Variants in CEP104 observed in about 807,000 individuals in gnomAD.
The protein encoded by CEP104 is centrosomal protein 104.
In CEP104, 84 loss-of-function variants were observed where a neutral mutation model predicts 113.3. The ratio of observed to expected loss-of-function variants is 0.74; its 90% CI spans 0.62 to 0.89. The LOEUF (loss-of-function observed/expected upper bound fraction) is 0.89, where lower values mean the gene tolerates loss of function less well. Among genes scored for constraint, CEP104 ranks in the 40% least tolerant of loss-of-function variants. The probability of loss-of-function intolerance (pLI) is 0.00; values close to 1 mark genes in which losing one functional copy is unlikely to be tolerated. For synonymous variants in CEP104, 378 were observed against 421.7 expected, an observed-to-expected ratio of 0.90 and a Z score of 1.27; for missense variants, 1,053 against 1,156.6, an observed-to-expected ratio of 0.91 and a Z score of 1.30.
chr1:3,849,984 A>T (rs1644580572), intron 2 of CEP104, among the ~76,000 whole-genome samples: 1 of 152,262 alleles, frequency 6.6e-6, no homozygotes, highest in Non-Finnish European at 1.5e-5. Flanking sequence ...AGATATACAG[A>T]TACCTACTTG....
intron 1 of CEP104, chr1:3,856,079 G>C (rs1644720889): frequency 2.6e-6 from 1 of 384,890 alleles, no homozygotes; most frequent in African/African-American, 2.2e-5. Flanking sequence ...ACAAGACTAG[G>C]AAACAAAACT....
chr1:3,823,280 G>T lies in CEP104; in HGVS notation c.2504-39C>A. On this transcript the variant is annotated intron_variant, in intron 19 of 21. Transcript: ENST00000378230. This position sits in a 1 kb window ranked among gnomAD's most constrained non-coding sequence, Gnocchi z 4.1. ...AAAAAGACTCAGTCGCTCCCTGAAT[G>T]ACAGGCGACAAGACATGCTGCTGGC... The T allele has an allele frequency of 6.2e-7, 1 of 1,612,522 alleles. No individual in the cohort carries two copies. The highest frequency in any genetic ancestry group is 1.1e-5 in the South Asian group (1 of 91,020).
chr1:3,850,600 C>T (rs1458556872), intron 2 of CEP104, among the ~76,000 whole-genome samples: 1 of 152,134 alleles, frequency 6.6e-6, no homozygotes, highest in Non-Finnish European at 1.5e-5. Flanking sequence ...TAGAGGGTCC[C>T]ACATTTTCTA....
At position 3,826,422 on chromosome 1, in the gene CEP104, T is replaced by C. The variant is rs1281722073; in HGVS notation, c.2203A>G (p.Lys735Glu). The C allele has an allele frequency of 2.5e-6, 4 of 1,613,742 alleles. No homozygotes were observed. The Admixed American group carries it at 6.7e-5, about 27-fold the overall frequency. ...CCCAGAGCTTCAGCAGGGGCTGCTT[T>C]CCCTCCTTGAATGTCTGAAGAGATT... ...KPKNQDIQGG[K>E]AAPAEALGIP... Residue 735 changes from lysine (K) to glutamate (E), a missense_variant, in exon 17 of 22, where the codon AAA becomes GAA. Coordinates refer to ENST00000378230, the MANE Select transcript of CEP104 (RefSeq NM_014704.4).
intron 1 of CEP104, among the ~76,000 whole-genome samples, chr1:3,854,275 G>A (rs1299965968): frequency 6.6e-6 from 1 of 151,928 alleles, no homozygotes; most frequent in African/African-American, 2.4e-5. Flanking sequence ...TTGTGTGAAC[G>A]TGCCTCAGGC....
In CEP104 at chr1:3,836,491, T is replaced by C. The variant is rs1644316025; in HGVS notation, c.1317+4A>G. On this transcript the variant is annotated splice_donor_region_variant and intron_variant, in intron 10 of 21. Transcript: ENST00000378230. Reference sequence around the variant, plus strand: ...CCGTTTTTTTTTTTTTTTTTTTTTTTTACCAAGGTTTCTCCCAACACATCG... The same window carrying C: ...CCGTTTTTTTTTTTTTTTTTTTTTTCTACCAAGGTTTCTCCCAACACATCG... 6.4e-7 allele frequency: 1 copy of C among 1,557,708 alleles called. No individual in the cohort carries two copies. The highest frequency in any genetic ancestry group is 8.6e-7 in the Non-Finnish European group (1 of 1,161,078).
At chr1:3,843,063 C>T (rs1368115056) in intron 6 of CEP104, 2 of 542,240 alleles carry the variant, frequency 3.7e-6, no homozygotes, top group Admixed American at 6.8e-5. Context: ...GCTGGGATTA[C>T]AGGCGTGCGA....
Position 3,845,086 on chromosome 1 carries a change from A to G in CEP104, c.490-103T>C, listed in dbSNP as rs2275821. ...CATATAAAGCTGTCAGCAAGGTTCA[A>G]TGATCCTCATCTTTTGGAGAGACAG... On this transcript the variant is annotated intron_variant, in intron 5 of 21. Transcript: ENST00000378230. 0.91 allele frequency: 975,053 copies of G among 1,074,560 alleles called. 448,039 individuals are homozygous for G. The highest frequency in any genetic ancestry group is 0.95 in the Non-Finnish European group (671,461 of 705,040). 66.6% of individuals were successfully genotyped at this position (1,074,560 alleles called of 1,614,324 possible).
At chr1:3,856,836 G>A (rs377658042) in intron 1 of CEP104, 53 bp downstream of exon 1, 1 of 141,276 alleles carries the variant, frequency 7.1e-6, no homozygotes, top group African/African-American at 2.7e-5. Flanking sequence ...CGCGCCCCGC[G>A]CCCCGCTCCC....
Position 3,831,168 on chromosome 1 carries a change from C to A in CEP104, c.1714G>T (p.Val572Leu), listed in dbSNP as rs1644200129. The A allele has an allele frequency of 6.2e-7, 1 of 1,614,054 alleles. No homozygotes were observed. The highest frequency in any genetic ancestry group is 1.3e-5 in the African/African-American group (1 of 74,908). ...KSLQIIPSYLVQPLKANSSVH... is the reference protein window; with the variant it reads ...KSLQIIPSYLLQPLKANSSVH... ...GAAGAGTTTGCTTTCAATGGCTGCA[C>A]CAGGTAGGATGGAATAATTTGGAGA... The change falls in exon 13 of 22, where the codon GTG becomes TTG. Residue 572 changes from valine to leucine, a missense_variant. By Grantham distance (32) the Val-to-Leu change is conservative. Coordinates refer to ENST00000378230, the MANE Select transcript of CEP104 (RefSeq NM_014704.4).
chr1:3,848,308 G>A (rs542811508), intron 3 of CEP104, among the ~76,000 whole-genome samples: 9 of 152,006 alleles, frequency 5.9e-5, no homozygotes, highest in South Asian at 2.1e-4. Flanking sequence ...CGAGGCGGGC[G>A]GATCACGAGG....
chr1:3,844,248 C>T lies in CEP104; in HGVS notation c.566+659G>A, dbSNP rs141197286. 3.6e-3 allele frequency among the ~76,000 whole-genome samples: 553 copies of T among 152,214 alleles called. 1 individual carries two copies. Among genetic ancestry groups the T allele is most frequent in the Admixed American group, 5.2e-3 (79 of 15,284 alleles). On this transcript the variant is annotated intron_variant, in intron 6 of 21. Coordinates refer to ENST00000378230, the MANE Select transcript of CEP104 (RefSeq NM_014704.4). ...ACGGCTGACAGATCTTTGTTCTAAACGCATTTTAGGAAACTTCTAGTGATA... is the reference window on the plus strand; with the variant it reads ...ACGGCTGACAGATCTTTGTTCTAAATGCATTTTAGGAAACTTCTAGTGATA...
In CEP104 at chr1:3,819,637, C is replaced by T. The variant is rs972269849; in HGVS notation, c.2572-3267G>A. 6.6e-6 allele frequency among the ~76,000 whole-genome samples: 1 copy of T among 152,164 alleles called. No individual in the cohort carries two copies. Among genetic ancestry groups the T allele is most frequent in the African/African-American group, 2.4e-5 (1 of 41,448 alleles). On this transcript the variant is annotated intron_variant, in intron 20 of 21. Transcript: ENST00000378230. The surrounding 1 kb of genome is among the most constrained non-coding windows in gnomAD (Gnocchi z 4.6). The stretch of plus-strand genomic sequence containing the variant: ...AGATGGAAGGAGAAAGGGCAGGGGC[C>T]ATTCAACTAGAACAGAAAGGAAACA...
chr1:3,821,916 A>C (rs140550206), intron 20 of CEP104, among the ~76,000 whole-genome samples: 55 of 152,346 alleles, frequency 3.6e-4, no homozygotes, highest in Middle Eastern at 3.4e-3. Flanking sequence ...GATCCCGGTA[A>C]TCAGATGCTT....
chr1:3,843,385 T>TC, intron 6 of CEP104: 1 of 546,772 alleles, frequency 1.8e-6, no homozygotes, highest in East Asian at 3.0e-5. Flanking sequence ...AATTTTTTTT[T>TC]TTTTTTTTTG....
chr1:3,833,651 A>C, intron 12 of CEP104: 1 of 423,668 alleles, frequency 2.4e-6, no homozygotes, highest in South Asian at 8.7e-5. Flanking sequence ...GATAAAAAAA[A>C]CATTGGAAAA....
chr1:3,823,540 G>A lies in CEP104; in HGVS notation c.2387C>T (p.Thr796Met), dbSNP rs534861661. Residue 796 changes from threonine to methionine, a missense_variant, in exon 19 of 22, where the codon ACG becomes ATG. Physicochemically the swap from Thr to Met is moderately conservative, Grantham distance 81 (BLOSUM62 -1). Transcript: ENST00000378230. The surrounding 1 kb of genome is among the most constrained non-coding windows in gnomAD (Gnocchi z 4.1). ...CKQVVEISSL[T>M]EHLLTECDKK... ...GTCACATTCCGTCAGCAAGTGCTCCGTCAGACTGGATATCTCGACCACCTG... is the reference window on the plus strand; with the variant it reads ...GTCACATTCCGTCAGCAAGTGCTCCATCAGACTGGATATCTCGACCACCTG... 21 of 1,614,086 alleles carry A rather than the reference G, an allele frequency of 1.3e-5. No individual in the cohort carries two copies. The highest frequency in any genetic ancestry group is 2.2e-5 in the East Asian group (1 of 44,900).
chr1:3,856,779 G>C (rs1458784814), intron 1 of CEP104, 110 bp downstream of exon 1: 4 of 151,926 alleles, frequency 2.6e-5, no homozygotes, highest in African/African-American at 9.7e-5. Context: ...CCCAGGCTTC[G>C]TACCCAGCTC....
chr1:3,831,598 A>C (rs1644209669), intron 12 of CEP104, among the ~76,000 whole-genome samples: 1 of 152,208 alleles, frequency 6.6e-6, no homozygotes. Flanking sequence ...AATCACCGTT[A>C]TTTTAGTATT....
Sources: allele counts gnomAD v4.1 joint callset (sites outside exome capture counted in the v4.1 genomes callset), GRCh38; gene constraint gnomAD v4.1.1; non-coding constraint Gnocchi (gnomAD v3.1); transcripts MANE v1.5; gene names NCBI Gene and HGNC (gene_info 2026-07-23, HGNC 2026-07-21).